Variants in IQGAP2 observed in about 807,000 individuals in gnomAD.
IQGAP2 encodes the protein ras GTPase-activating-like protein IQGAP2.
IQGAP2 carries 173 observed loss-of-function variants against 201.3 expected under a neutral mutation model. That is an observed-to-expected ratio of 0.86 (90% CI 0.76 to 0.98). The LOEUF (loss-of-function observed/expected upper bound fraction) is 0.98, where lower values mean the gene tolerates loss of function less well. Among genes scored for constraint, IQGAP2 ranks in the 50% least tolerant of loss-of-function variants. The pLI is 0.00. For missense variants in IQGAP2, 1,687 were observed against 1,864.8 expected (o/e 0.90, Z 1.76); for synonymous variants, 675 against 673.9 (o/e 1.00, Z -0.03).
intron 1 of IQGAP2, among the ~76,000 whole-genome samples, chr5:76,405,718 C>A (rs1750758820): frequency 6.6e-6 from 1 of 152,118 alleles, no homozygotes; most frequent in South Asian, 2.1e-4. Flanking sequence ...TTGTTGTTGG[C>A]TTTCTGAGCC....
At chr5:76,692,736 C>T (rs1746378029) in intron 30 of IQGAP2, among the ~76,000 whole-genome samples, 1 of 152,182 alleles carries the variant, frequency 6.6e-6, no homozygotes, top group African/African-American at 2.4e-5. Flanking sequence ...AAATAGGTTT[C>T]TTTGTTAACC....
intron 30 of IQGAP2, among the ~76,000 whole-genome samples, chr5:76,688,688 A>C (rs2150527338): frequency 6.6e-6 from 1 of 152,320 alleles, no homozygotes; most frequent in Admixed American, 6.5e-5. Flanking sequence ...AATCTGAAAC[A>C]CTTTTGGGCC....
At chr5:76,457,878 G>A (rs904187889) in intron 1 of IQGAP2, among the ~76,000 whole-genome samples, 3 of 152,218 alleles carry the variant, frequency 2.0e-5, no homozygotes, top group Admixed American at 2.0e-4. Flanking sequence ...GATGCTGCAA[G>A]TGGTATTTTG....
chr5:76,424,667 AT>A (rs1751901157), intron 1 of IQGAP2, among the ~76,000 whole-genome samples: 1 of 152,212 alleles, frequency 6.6e-6, no homozygotes, highest in African/African-American at 2.4e-5. Flanking sequence ...TAAAGTGTTC[AT>A]TGGACAAGTG....
At chr5:76,447,783 T>G (rs1753484751) in intron 1 of IQGAP2, among the ~76,000 whole-genome samples, 1 of 152,272 alleles carries the variant, frequency 6.6e-6, no homozygotes, top group East Asian at 1.9e-4. Flanking sequence ...AAAATGCCAA[T>G]TTTACTAAGT....
chr5:76,546,960 G>A (rs547489551), intron 2 of IQGAP2, among the ~76,000 whole-genome samples: 3 of 152,260 alleles, frequency 2.0e-5, no homozygotes, highest in Admixed American at 2.0e-4. Flanking sequence ...AATGATTGAC[G>A]GCATCTAGTG....
chr5:76,635,766 C>T (rs1056033297), intron 15 of IQGAP2, among the ~76,000 whole-genome samples: 1 of 130,840 alleles, frequency 7.6e-6, no homozygotes, highest in Non-Finnish European at 1.7e-5. Context: ...GAGGTTGAGG[C>T]TGCAGTGAGC....
chr5:76,426,101 G>C (rs1020268067), intron 1 of IQGAP2, among the ~76,000 whole-genome samples: 3 of 152,066 alleles, frequency 2.0e-5, no homozygotes, highest in East Asian at 3.8e-4. Context: ...GCAGAATTGC[G>C]GTCAGCTGGC....
At chr5:76,406,510 C>CTA (rs1161249687) in intron 1 of IQGAP2, among the ~76,000 whole-genome samples, 1 of 152,164 alleles carries the variant, frequency 6.6e-6, no homozygotes, top group African/African-American at 2.4e-5. Flanking sequence ...ATAGTATGTA[C>CTA]TATATATTGT....
intron 1 of IQGAP2, among the ~76,000 whole-genome samples, chr5:76,427,101 G>A (rs1324454255): frequency 1.3e-5 from 2 of 152,120 alleles, no homozygotes; most frequent in Admixed American, 6.5e-5. Flanking sequence ...ACAATTCTTG[G>A]TTGTGGGGTG....
At chr5:76,558,366 A>T (rs1744095647) in intron 2 of IQGAP2, among the ~76,000 whole-genome samples, 1 of 152,156 alleles carries the variant, frequency 6.6e-6, no homozygotes, top group Admixed American at 6.5e-5. Context: ...TTGTGTAAAA[A>T]ATGATTTCTT....
intron 2 of IQGAP2, among the ~76,000 whole-genome samples, chr5:76,490,303 G>C (rs1756461913): frequency 6.6e-6 from 1 of 152,184 alleles, no homozygotes; most frequent in East Asian, 1.9e-4. Flanking sequence ...AGTATTCTCA[G>C]GAATTTTACC....
intron 2 of IQGAP2, among the ~76,000 whole-genome samples, chr5:76,558,458 ATTAGT>A (rs1744100821): frequency 6.6e-6 from 1 of 152,194 alleles, no homozygotes. Context: ...TAATACCCTA[ATTAGT>A]TTATTTAGCT....
At chr5:76,553,618 C>A (rs1743713702) in intron 2 of IQGAP2, among the ~76,000 whole-genome samples, 1 of 152,052 alleles carries the variant, frequency 6.6e-6, no homozygotes, top group Non-Finnish European at 1.5e-5. Context: ...TTTTCTTTTT[C>A]TTTTTTCTCC....
At chr5:76,458,186 A>C (rs764608245) in intron 1 of IQGAP2, among the ~76,000 whole-genome samples, 72 of 152,220 alleles carry the variant, frequency 4.7e-4, no homozygotes, top group South Asian at 4.1e-4. Context: ...AGCTGTGGGC[A>C]GTCCCTTTCC....
chr5:76,534,989 C>T (rs1217467920), intron 2 of IQGAP2, among the ~76,000 whole-genome samples: 3 of 152,110 alleles, frequency 2.0e-5, no homozygotes, highest in African/African-American at 7.2e-5. Flanking sequence ...GGTGCCAAGG[C>T]TATGAAGTTG....
intron 20 of IQGAP2, among the ~76,000 whole-genome samples, chr5:76,656,145 C>T (rs938824317): frequency 1.3e-5 from 2 of 152,186 alleles, no homozygotes; most frequent in Admixed American, 6.5e-5. Flanking sequence ...CCACTAGATT[C>T]CAGCTCACCT....
At chr5:76,483,274 C>T (rs187839745) in intron 2 of IQGAP2, among the ~76,000 whole-genome samples, 45 of 152,250 alleles carry the variant, frequency 3.0e-4, no homozygotes, top group Admixed American at 2.7e-3. Context: ...CTTCTGTAAA[C>T]AATATTCTCA....
chr5:76,471,784 C>A (rs576710163), intron 2 of IQGAP2, among the ~76,000 whole-genome samples: 53 of 152,298 alleles, frequency 3.5e-4, no homozygotes, highest in African/African-American at 1.3e-3. Context: ...GCTTGGACCT[C>A]ACTATCCTTA....
Sources: allele counts gnomAD v4.1 joint callset (sites outside exome capture counted in the v4.1 genomes callset), GRCh38; gene constraint gnomAD v4.1.1; transcripts MANE v1.5; gene names NCBI Gene and HGNC (gene_info 2026-07-23, HGNC 2026-07-21).